LRP1B: variants seen among roughly 807,000 people sequenced by gnomAD.
LRP1B encodes the protein low-density lipoprotein receptor-related protein 1B.
Under a neutral mutation model 556.6 loss-of-function variants are expected in LRP1B, and 217 were observed. The observed-to-expected ratio is 0.39, with a 90% CI of 0.35 to 0.44. The LOEUF (loss-of-function observed/expected upper bound fraction) is 0.44. LRP1B is among the 20% of genes least tolerant of loss of function. LRP1B has a pLI of 1.00. For missense variants in LRP1B, 5,053 were observed against 5,620.8 expected (o/e 0.90, Z 3.23); for synonymous variants, 2,047 against 1,865.8 (o/e 1.10, Z -2.50).
At chr2:141,266,217 A>G (rs559848630) in intron 3 of LRP1B, among the ~76,000 whole-genome samples, 270 of 151,856 alleles carry the variant, frequency 1.8e-3, no homozygotes, top group African/African-American at 6.1e-3. Context: ...CCAGCTATTC[A>G]AGAGGCTGAG....
intron 11 of LRP1B, among the ~76,000 whole-genome samples, chr2:141,032,868 G>A (rs753341353): frequency 2.6e-5 from 3 of 116,494 alleles, no homozygotes; most frequent in Non-Finnish European, 3.7e-5. Context: ...TGTGTTTTGC[G>A]TTGCATTGCT....
chr2:141,813,566 G>GT (rs113879479), intron 1 of LRP1B, among the ~76,000 whole-genome samples: 6,518 of 144,302 alleles, frequency 0.045, 219 homozygotes, highest in African/African-American at 0.098. Context: ...TCAGATAAAG[G>GT]TTTTTTTTTT....
At chr2:141,208,923 T>G (rs1429913746) in intron 6 of LRP1B, among the ~76,000 whole-genome samples, 23 of 127,238 alleles carry the variant, frequency 1.8e-4, no homozygotes, top group African/African-American at 4.9e-4. Context: ...AAAAAAGGGA[T>G]GGGAGAATCC....
chr2:141,223,225 T>G (rs1176676007), intron 6 of LRP1B, among the ~76,000 whole-genome samples: 1 of 151,892 alleles, frequency 6.6e-6, no homozygotes. Context: ...AAATCGCTAG[T>G]TTCCTATACA....
At chr2:140,525,341 T>C (rs1242655408) in intron 49 of LRP1B, among the ~76,000 whole-genome samples, 8 of 151,914 alleles carry the variant, frequency 5.3e-5, no homozygotes, top group African/African-American at 1.4e-4. Flanking sequence ...GGCTTATGTA[T>C]GTAAAGATGG....
intron 1 of LRP1B, among the ~76,000 whole-genome samples, chr2:142,014,379 G>C (rs1703053227): frequency 6.6e-6 from 1 of 152,108 alleles, no homozygotes; most frequent in Non-Finnish European, 1.5e-5. Context: ...CCATTTAGTA[G>C]CTTTTATTTG....
intron 3 of LRP1B, among the ~76,000 whole-genome samples, chr2:141,335,672 A>G (rs1206860892): frequency 6.6e-6 from 1 of 152,212 alleles, no homozygotes; most frequent in Admixed American, 6.5e-5. Context: ...TAGATTACAA[A>G]TACTTTCAGA....
chr2:140,659,555 G>T (rs1685018035), intron 41 of LRP1B, among the ~76,000 whole-genome samples: 1 of 151,986 alleles, frequency 6.6e-6, no homozygotes, highest in African/African-American at 2.4e-5. Context: ...TCTGGCTTCA[G>T]TGGACTTATA....
intron 47 of LRP1B, among the ~76,000 whole-genome samples, chr2:140,530,830 C>T (rs78948883): frequency 0.04 from 6,158 of 152,196 alleles, 204 homozygotes; most frequent in Admixed American, 0.065. Flanking sequence ...GGAGAAGCTT[C>T]ATTTGCAAAG....
intron 66 of LRP1B, among the ~76,000 whole-genome samples, chr2:140,435,227 A>G (rs1686121462): frequency 2.6e-5 from 4 of 151,818 alleles, no homozygotes; most frequent in African/African-American, 4.8e-5. Flanking sequence ...TTAAATCTCC[A>G]TATTTCTTAC....
intron 7 of LRP1B, among the ~76,000 whole-genome samples, chr2:141,151,154 C>G (rs1011422413): frequency 5.3e-5 from 8 of 152,094 alleles, no homozygotes; most frequent in African/African-American, 1.9e-4. Flanking sequence ...TGGTTTATTT[C>G]TAGCCAATGC....
At chr2:141,237,850 A>G (rs886739276) in intron 5 of LRP1B, among the ~76,000 whole-genome samples, 2 of 152,132 alleles carry the variant, frequency 1.3e-5, no homozygotes, top group African/African-American at 4.8e-5. Flanking sequence ...CCAAGGAGGC[A>G]TTTCCCCTGT....
intron 2 of LRP1B, among the ~76,000 whole-genome samples, chr2:141,620,168 G>T (rs1354061160): frequency 6.6e-6 from 1 of 152,186 alleles, no homozygotes; most frequent in Non-Finnish European, 1.5e-5. Context: ...ACTCAGGCTG[G>T]TTTTGAACTC....
chr2:141,446,387 T>C (rs775585657), intron 3 of LRP1B, among the ~76,000 whole-genome samples: 1 of 152,218 alleles, frequency 6.6e-6, no homozygotes, highest in Admixed American at 6.5e-5. Context: ...TGTCTTTTAA[T>C]TGGGGCATTT....
intron 31 of LRP1B, among the ~76,000 whole-genome samples, chr2:140,815,915 C>T (rs904461342): frequency 2.6e-4 from 38 of 144,482 alleles, no homozygotes; most frequent in African/African-American, 9.6e-4. Flanking sequence ...TATTATTCAA[C>T]TTCTTTGCTT....
At chr2:141,659,656 TC>T (rs1690139117) in intron 2 of LRP1B, among the ~76,000 whole-genome samples, 1 of 152,066 alleles carries the variant, frequency 6.6e-6, no homozygotes, top group Non-Finnish European at 1.5e-5. Context: ...GCATACTCCT[TC>T]CTTGGATATG....
At chr2:140,793,916 T>C (rs1690209634) in intron 32 of LRP1B, among the ~76,000 whole-genome samples, 1 of 152,224 alleles carries the variant, frequency 6.6e-6, no homozygotes, top group African/African-American at 2.4e-5. Context: ...GAATGTTATG[T>C]TTTATACGTA....
chr2:140,935,679 G>T (rs1457016440), intron 20 of LRP1B, among the ~76,000 whole-genome samples: 1 of 149,872 alleles, frequency 6.7e-6, no homozygotes, highest in East Asian at 2.0e-4. Context: ...CCCCAAGTGG[G>T]ATAAATTCAA....
chr2:141,030,324 T>C (rs888217704), intron 11 of LRP1B, among the ~76,000 whole-genome samples: 1 of 152,120 alleles, frequency 6.6e-6, no homozygotes, highest in Non-Finnish European at 1.5e-5. Flanking sequence ...AAAATGTTTG[T>C]CTCAGAATGA....
Sources: gnomAD v4.1 joint callset for allele counts (sites outside exome capture counted in the v4.1 genomes callset) on GRCh38, gnomAD v4.1.1 for gene constraint, MANE v1.5 for transcripts, NCBI Gene and HGNC (gene_info 2026-07-23, HGNC 2026-07-21) for gene names.